Variants in CNTN4 observed in about 807,000 individuals in gnomAD.
The protein encoded by CNTN4 is contactin-4.
A neutral mutation model predicts 122.5 loss-of-function variants in CNTN4; 77 were observed. The ratio of observed to expected loss-of-function variants is 0.63; its 90% CI spans 0.52 to 0.76. CNTN4 has a LOEUF of 0.76. Ranked by LOEUF, CNTN4 falls within the 30% of genes least tolerant of loss-of-function variation. The pLI, the probability that CNTN4 is intolerant of heterozygous loss-of-function variation, is 0.00. For missense variants in CNTN4, 1,256 were observed against 1,259.1 expected (o/e 1.00, Z 0.04); for synonymous variants, 512 against 447.0 (o/e 1.15, Z -1.83).
At chr3:2,994,133 T>A (rs934146559) in intron 14 of CNTN4, among the ~76,000 whole-genome samples, 2 of 152,106 alleles carry the variant, frequency 1.3e-5, no homozygotes, top group Non-Finnish European at 2.9e-5. Flanking sequence ...ACTTCTCTCT[T>A]CCTAAACCTC....
chr3:2,278,196 A>G lies in CNTN4; in HGVS notation c.-144-60982A>G, dbSNP rs374186307. 5.3e-5 allele frequency among the ~76,000 whole-genome samples: 8 copies of G among 152,250 alleles called. No homozygotes were observed. In the East Asian group the frequency reaches 5.8e-4, roughly 11 times the overall value. On this transcript the variant is annotated intron_variant, in intron 2 of 24. Transcript: ENST00000418658. ...TAGGCAAAAACTTTCCTCCAAACAG[A>G]CAAACAAAAGCGTATAATCAATGAA... is the stretch of plus-strand genomic sequence containing the variant.
intron 2 of CNTN4, among the ~76,000 whole-genome samples, chr3:2,109,156 A>C (rs1047484827): frequency 3.3e-5 from 5 of 152,162 alleles, no homozygotes; most frequent in African/African-American, 1.2e-4. Context: ...AGACTTCACA[A>C]ATTTTCATAG....
At chr3:2,934,081 A>C (rs1042026427) in intron 13 of CNTN4, among the ~76,000 whole-genome samples, 1 of 152,164 alleles carries the variant, frequency 6.6e-6, no homozygotes, top group Admixed American at 6.5e-5. Context: ...CCCTCAAAAA[A>C]ATAATGGTGC....
At chr3:2,287,666 A>AGAGGAAGAG (rs1559415415) in intron 2 of CNTN4, among the ~76,000 whole-genome samples, 2 of 50,664 alleles carry the variant, frequency 3.9e-5, no homozygotes, top group African/African-American at 6.3e-5. Flanking sequence ...AAGAAGAAGA[A>AGAGGAAGAG]GAAGAAGAAG....
rs115197974 is a variant in CNTN4, at chr3:2,594,592, T to C, written c.55+23034T>C. On this transcript the variant is annotated intron_variant, in intron 4 of 24. Coordinates refer to ENST00000418658, the MANE Select transcript of CNTN4 (RefSeq NM_175607.3). ...TGCCACCACACCCGGCTAATATTTATGTTTTTTTTGGTAGAGACGGGGTTT... is the reference window on the plus strand; with the variant it reads ...TGCCACCACACCCGGCTAATATTTACGTTTTTTTTGGTAGAGACGGGGTTT... 2.3e-3 allele frequency among the ~76,000 whole-genome samples: 352 copies of C among 152,156 alleles called. 2 individuals carry two copies. Among genetic ancestry groups the C allele is most frequent in the African/African-American group, 7.7e-3 (320 of 41,512 alleles).
chr3:2,508,609 G>A (rs2076799051), intron 3 of CNTN4, among the ~76,000 whole-genome samples: 1 of 152,160 alleles, frequency 6.6e-6, no homozygotes. Context: ...CTTGACAAGA[G>A]TGTTGTTAAA....
chr3:2,263,381 A>G (rs1202418711), intron 2 of CNTN4, among the ~76,000 whole-genome samples: 2 of 152,102 alleles, frequency 1.3e-5, no homozygotes, highest in African/African-American at 4.8e-5. Flanking sequence ...AATGAGACTG[A>G]TTTTTTACAT....
intron 4 of CNTN4, among the ~76,000 whole-genome samples, chr3:2,650,741 A>G (rs953225569): frequency 2.6e-5 from 4 of 152,220 alleles, no homozygotes; most frequent in Admixed American, 1.3e-4. Flanking sequence ...ATTTTTAACA[A>G]TAAATTATTT....
intron 8 of CNTN4, among the ~76,000 whole-genome samples, chr3:2,878,759 A>G (rs1282732718): frequency 1.3e-5 from 2 of 152,312 alleles, no homozygotes; most frequent in East Asian, 3.9e-4. Context: ...AGCTATGAAA[A>G]AGACAGACGC....
intron 13 of CNTN4, among the ~76,000 whole-genome samples, chr3:2,962,065 C>T (rs890731774): frequency 6.6e-6 from 1 of 152,110 alleles, no homozygotes; most frequent in Admixed American, 6.5e-5. Flanking sequence ...TAATTTGAAC[C>T]CCAAGACTTA....
At chr3:2,965,628 A>G (rs1486592281) in intron 13 of CNTN4, among the ~76,000 whole-genome samples, 2 of 152,160 alleles carry the variant, frequency 1.3e-5, no homozygotes, top group African/African-American at 4.8e-5. Flanking sequence ...TTCCTCATTC[A>G]TTCACCAGCA....
intron 3 of CNTN4, among the ~76,000 whole-genome samples, chr3:2,502,032 G>A (rs147392681): frequency 1.4e-3 from 215 of 152,182 alleles, no homozygotes; most frequent in African/African-American, 4.7e-3. Flanking sequence ...CTATTTATAC[G>A]TGGATCCAAT....
intron 16 of CNTN4, among the ~76,000 whole-genome samples, chr3:3,033,912 AG>A (rs1699385903): frequency 6.6e-6 from 1 of 152,020 alleles, no homozygotes; most frequent in African/African-American, 2.4e-5. Context: ...GAAGAGAAGT[AG>A]AAAAATACGG....
intron 13 of CNTN4, among the ~76,000 whole-genome samples, chr3:2,926,749 C>G (rs560483373): frequency 1.3e-5 from 2 of 150,102 alleles, no homozygotes; most frequent in African/African-American, 4.9e-5. Context: ...TTAATGTAAA[C>G]CTGATATGGT....
chr3:2,753,684 T>C (rs1401459065), intron 6 of CNTN4, among the ~76,000 whole-genome samples: 1 of 152,200 alleles, frequency 6.6e-6, no homozygotes, highest in Admixed American at 6.5e-5. Context: ...ATCCGTAGAT[T>C]TGGGTGGTTG....
chr3:2,683,301 ATCCACATCTC>A (rs2085259164), intron 4 of CNTN4, among the ~76,000 whole-genome samples: 1 of 149,054 alleles, frequency 6.7e-6, no homozygotes, highest in South Asian at 2.2e-4. Context: ...CCCTGCCCAA[ATCCACATCTC>A]TCACCTGCAC....
intron 3 of CNTN4, among the ~76,000 whole-genome samples, chr3:2,502,564 G>T (rs1032723268): frequency 6.6e-6 from 1 of 152,054 alleles, no homozygotes; most frequent in Non-Finnish European, 1.5e-5. Flanking sequence ...TACTACTCTG[G>T]CTTAGCACTT....
At chr3:2,736,947 C>A (rs760267889) in intron 5 of CNTN4, among the ~76,000 whole-genome samples, 8 of 152,070 alleles carry the variant, frequency 5.3e-5, no homozygotes, top group Non-Finnish European at 8.8e-5. Context: ...CCATGCCCAG[C>A]TAATCTTTGT....
chr3:2,828,954 G>C (rs909092036), intron 7 of CNTN4, among the ~76,000 whole-genome samples: 3 of 151,990 alleles, frequency 2.0e-5, no homozygotes, highest in Non-Finnish European at 4.4e-5. Flanking sequence ...ACCCAAGTTG[G>C]TCTCAAACTC....
Sources: gnomAD v4.1 joint callset for allele counts (sites outside exome capture counted in the v4.1 genomes callset) on GRCh38, gnomAD v4.1.1 for gene constraint, MANE v1.5 for transcripts, NCBI Gene and HGNC (gene_info 2026-07-23, HGNC 2026-07-21) for gene names.